LRRC41: variants seen among roughly 807,000 people sequenced by gnomAD.
LRRC41 encodes the protein leucine rich repeat containing 41, also known as leucine-rich repeat-containing protein 41.
LRRC41 carries 17 observed loss-of-function variants against 72.1 expected under a neutral mutation model. The ratio of observed to expected loss-of-function variants is 0.24; its 90% CI spans 0.16 to 0.35. LRRC41 has a LOEUF of 0.35. Ranked by LOEUF, LRRC41 falls within the 10% of genes least tolerant of loss-of-function variation. The pLI, the probability that LRRC41 is intolerant of heterozygous loss-of-function variation, is 1.00. For missense variants in LRRC41, 759 were observed against 1,065.0 expected, an observed-to-expected ratio of 0.71 and a Z score of 4.00; for synonymous variants, 427 against 431.0, an observed-to-expected ratio of 0.99 and a Z score of 0.11.
At chr1:46,287,354 C>T (rs1045014062) in intron 3 of LRRC41, among the ~76,000 whole-genome samples, 1 of 152,014 alleles carries the variant, frequency 6.6e-6, no homozygotes. Flanking sequence ...ATGATCCGCC[C>T]GCCTCGGCCT....
intron 3 of LRRC41, among the ~76,000 whole-genome samples, chr1:46,288,399 A>C (rs1244069652): frequency 6.6e-6 from 1 of 152,226 alleles, no homozygotes; most frequent in Non-Finnish European, 1.5e-5. Context: ...GATCAAAATG[A>C]AGTAGTACAA....
rs780580754 is a variant in LRRC41 at position 46,278,841 on chromosome 1, T to C, written c.*24A>G. On this transcript the variant is annotated 3_prime_UTR_variant, in exon 10 of 10. Coordinates refer to ENST00000617190, the MANE Select transcript of LRRC41 (RefSeq NM_006369.5). ...CCCTGCAAGCTGATGGTACCGAGCATGAGACTGTGAGGTACGGGCCCCATC... is the reference window on the plus strand; with the variant it reads ...CCCTGCAAGCTGATGGTACCGAGCACGAGACTGTGAGGTACGGGCCCCATC... 3.8e-6 allele frequency: 6 copies of C among 1,597,422 alleles called. No homozygotes were observed. Among genetic ancestry groups the C allele is most frequent in the African/African-American group, 1.3e-5 (1 of 74,710 alleles).
Position 46,302,129 on chromosome 1 carries a change from G to A in LRRC41, c.199+995C>T, listed in dbSNP as rs1661246527. The A allele has an allele frequency of 3.0e-6, 3 of 985,014 alleles. No homozygotes were observed. In the South Asian group the frequency reaches 1.4e-4, roughly 46 times the overall value. The allele number at this position is 985,014 out of a possible 1,614,324, so 61.0% of individuals were successfully genotyped here. ...GCCGTTCATCCCGGCGCCCCAGGCC[G>A]CCCTCCATCCAGGCCCGGCCCTTTG... On this transcript the variant is annotated intron_variant, in intron 1 of 9. Coordinates refer to ENST00000617190, the MANE Select transcript of LRRC41 (RefSeq NM_006369.5). This position sits in a 1 kb window ranked among gnomAD's most constrained non-coding sequence, Gnocchi z 4.7.
chr1:46,281,355 T>A lies in LRRC41; in HGVS notation c.1526A>T (p.Asp509Val). 2 of 1,614,150 alleles carry A rather than the reference T, an allele frequency of 1.2e-6. No individual in the cohort carries two copies. The highest frequency in any genetic ancestry group is 1.7e-6 in the Non-Finnish European group (2 of 1,180,006). Residue 509 changes from aspartate (D) to valine (V), a missense_variant, in exon 5 of 10, where the codon GAC becomes GTC. Physicochemically the swap from Asp to Val is radical, Grantham distance 152 (BLOSUM62 -3). Around this residue, in one of 4 missense-constraint regions of LRRC41, gnomAD observed 427 missense variants for 520.9 expected, o/e 0.82. Transcript: ENST00000617190. The stretch of plus-strand genomic sequence containing the variant: ...CTGGCCTGACAGGGCCCGCAGGCTG[T>A]CTAGCAGGCGGAAGATGTTAGAGCC... ...GLGSNIFRLL[D>V]SLRALSGQAG...
Position 46,279,697 on chromosome 1 carries a change from G to GGTATTAA in LRRC41, c.2021-90_2021-84dup. 1.3e-6 allele frequency: 2 copies of GGTATTAA among 1,545,662 alleles called. No individual in the cohort carries two copies. Among genetic ancestry groups the GGTATTAA allele is most frequent in the Non-Finnish European group, 1.8e-6 (2 of 1,127,570 alleles). On this transcript the variant is annotated intron_variant, in intron 7 of 9. Transcript: ENST00000617190. The surrounding 1 kb of genome is among the most constrained non-coding windows in gnomAD (Gnocchi z 4.5). Reference sequence around the variant, plus strand: ...CCTGCCCCAGTTGGCCCTAGCAAGGGGTATTAACATTATAGAGGCCCAAAA... The same window carrying GGTATTAA: ...CCTGCCCCAGTTGGCCCTAGCAAGGGGTATTAAGTATTAACATTATAGAGGCCCAAAA...
chr1:46,301,206 C>T (rs1395573372), intron 1 of LRRC41, among the ~76,000 whole-genome samples: 1 of 152,166 alleles, frequency 6.6e-6, no homozygotes, highest in African/African-American at 2.4e-5. Flanking sequence ...CTTCCTTTCT[C>T]CATTCTTCTT....
At chr1:46,288,617 G>A (rs1157257545) in intron 3 of LRRC41, among the ~76,000 whole-genome samples, 1 of 152,168 alleles carries the variant, frequency 6.6e-6, no homozygotes, top group East Asian at 1.9e-4. Flanking sequence ...ATACTGGAGT[G>A]ACTCTCAGTT....
At chr1:46,292,529 G>A (rs1003365407) in intron 3 of LRRC41, among the ~76,000 whole-genome samples, 3 of 152,170 alleles carry the variant, frequency 2.0e-5, no homozygotes, top group African/African-American at 4.8e-5. Flanking sequence ...TTACCTTTGC[G>A]ATGAAAACCA....
intron 3 of LRRC41, among the ~76,000 whole-genome samples, chr1:46,289,854 G>A (rs193286214): frequency 1.1e-3 from 171 of 152,242 alleles, no homozygotes; most frequent in African/African-American, 3.5e-3. Flanking sequence ...ATGCTATCAC[G>A]ATGCAAAGTG....
At chr1:46,291,636 T>G (rs1447689433) in intron 3 of LRRC41, among the ~76,000 whole-genome samples, 2 of 139,370 alleles carry the variant, frequency 1.4e-5, no homozygotes, top group African/African-American at 2.7e-5. Flanking sequence ...CTTGGCTCAC[T>G]GCAACCTCCA....
chr1:46,299,620 T>TA (rs1355844782), intron 1 of LRRC41: 1 of 151,974 alleles, frequency 6.6e-6, no homozygotes, highest in Non-Finnish European at 1.5e-5. Flanking sequence ...TTCACACCTG[T>TA]AATACCAGCA....
In LRRC41 at chr1:46,278,433, A is replaced by G. The variant is rs1660689928; in HGVS notation, c.*432T>C. On this transcript the variant is annotated 3_prime_UTR_variant, in exon 10 of 10. Transcript: ENST00000617190. Reference sequence around the variant, plus strand: ...GCCCAAAATTTATTTTATAAGAAAAACTTTTTTGGTTAAAAAAAAGAATAA... The same window carrying G: ...GCCCAAAATTTATTTTATAAGAAAAGCTTTTTTGGTTAAAAAAAAGAATAA... 5.3e-6 allele frequency: 5 copies of G among 946,652 alleles called. No homozygotes were observed. The highest frequency in any genetic ancestry group is 8.1e-6 in the Non-Finnish European group (5 of 620,616). 58.6% of individuals were successfully genotyped at this position (946,652 alleles called of 1,614,324 possible).
At chr1:46,280,325 T>G (rs1421522897) in intron 6 of LRRC41, 35 bp from the exon 7 acceptor site, 2 of 1,612,068 alleles carry the variant, frequency 1.2e-6, no homozygotes, top group African/African-American at 2.7e-5. Flanking sequence ...ACCATGGACC[T>G]TAGCTTTCCT....
chr1:46,292,465 G>A (rs993711594), intron 3 of LRRC41, among the ~76,000 whole-genome samples: 1 of 152,166 alleles, frequency 6.6e-6, no homozygotes, highest in South Asian at 2.1e-4. Flanking sequence ...AACAATTTCT[G>A]TTCCCTCCAA....
In LRRC41 at chr1:46,302,780, C is replaced by G. The variant is rs1281141842; in HGVS notation, c.199+344G>C. ...CTGCCCACCGGTTCGACATCCGAGACTCTCCTGCCCGGCCCAGCCGAGTGT... is the reference window on the plus strand; with the variant it reads ...CTGCCCACCGGTTCGACATCCGAGAGTCTCCTGCCCGGCCCAGCCGAGTGT... On this transcript the variant is annotated intron_variant, in intron 1 of 9. Transcript: ENST00000617190. The surrounding 1 kb of genome is among the most constrained non-coding windows in gnomAD (Gnocchi z 4.7). The G allele has an allele frequency of 1.3e-5, 13 of 985,240 alleles. No individual in the cohort carries two copies. Among genetic ancestry groups the G allele is most frequent in the Non-Finnish European group, 1.6e-5 (13 of 829,898 alleles). 61.0% of individuals were successfully genotyped at this position (985,240 alleles called of 1,614,324 possible). A position where few individuals can be genotyped will look rare whatever the true frequency, so the allele number is the denominator to read the frequency against.
Position 46,295,016 on chromosome 1 carries a change from T to C in LRRC41, c.357+2547A>G, listed in dbSNP as rs907578509. Among the ~76,000 whole-genome samples the C allele has an allele frequency of 3.9e-4, 60 of 152,206 alleles. 1 individual carries two copies. Among genetic ancestry groups the C allele is most frequent in the Middle Eastern group, 3.2e-3 (1 of 316 alleles). ...TATTGGGTAAATCTTAATTTATTCA[T>C]TGCTTTTTCTCCAGAGTATCTATTC... On this transcript the variant is annotated intron_variant, in intron 3 of 9. Transcript: ENST00000617190.
chr1:46,298,298 G>C lies in LRRC41; in HGVS notation c.272C>G (p.Thr91Ser). ...AAGATACTCACCTTTCTTGAGGGCA[G>C]TTTCCTCAATCCTCTCCAAGTAATA... Reference protein sequence around the residue: ...NIYYLERIEETALKKGLSTQA... With the variant: ...NIYYLERIEESALKKGLSTQA... The change falls in exon 2 of 10, where the codon ACT becomes AGT. Residue 91 changes from threonine (T) to serine (S), a missense_variant. Transcript: ENST00000617190. 6.2e-7 allele frequency: 1 copy of C among 1,608,734 alleles called. No individual in the cohort carries two copies. Among genetic ancestry groups the C allele is most frequent in the African/African-American group, 1.3e-5 (1 of 74,834 alleles).
intron 3 of LRRC41, among the ~76,000 whole-genome samples, chr1:46,293,059 T>C (rs929678931): frequency 5.9e-5 from 9 of 151,950 alleles, no homozygotes; most frequent in Admixed American, 2.0e-4. Context: ...TGGCACGCAC[T>C]TGTAGTCCCA....
chr1:46,286,547 T>G lies in LRRC41; in HGVS notation c.358-48A>C. On this transcript the variant is annotated intron_variant, in intron 3 of 9. Coordinates refer to ENST00000617190, the MANE Select transcript of LRRC41 (RefSeq NM_006369.5). The surrounding 1 kb of genome is among the most constrained non-coding windows in gnomAD (Gnocchi z 5.5). ...GACAGCCATGATATATCCATGAAACTGTCCAAATTTCCCTCTCTTCCAATA... is the reference window on the plus strand; with the variant it reads ...GACAGCCATGATATATCCATGAAACGGTCCAAATTTCCCTCTCTTCCAATA... 3 of 1,517,738 alleles carry G rather than the reference T, an allele frequency of 2.0e-6. No homozygotes were observed. Among genetic ancestry groups the G allele is most frequent in the Non-Finnish European group, 2.7e-6 (3 of 1,130,146 alleles). The allele number at this position is 1,517,738 out of a possible 1,614,324, so 94.0% of individuals were successfully genotyped here.
Sources: allele counts gnomAD v4.1 joint callset (sites outside exome capture counted in the v4.1 genomes callset), GRCh38; gene constraint gnomAD v4.1.1; regional missense constraint gnomAD v4.1.1; non-coding constraint Gnocchi (gnomAD v3.1); transcripts MANE v1.5; gene names NCBI Gene and HGNC (gene_info 2026-07-23, HGNC 2026-07-21).